L2HGDH: variants seen among roughly 807,000 people sequenced by gnomAD.
The protein encoded by L2HGDH is L-2-hydroxyglutarate dehydrogenase.
Under a neutral mutation model 51.5 loss-of-function variants are expected in L2HGDH, and 34 were observed. That is an observed-to-expected ratio of 0.66 (90% confidence interval 0.50 to 0.88). L2HGDH has a LOEUF of 0.88. Among genes scored for constraint, L2HGDH ranks in the 40% least tolerant of loss-of-function variants. The pLI is 0.00. For synonymous variants in L2HGDH, 198 were observed against 197.9 expected (o/e 1.00, Z -0.01); for missense variants, 558 against 571.9 (o/e 0.98, Z 0.25).
chr14:50,267,559 T>TG lies in L2HGDH; in HGVS notation c.1064+193_1064+194insC, dbSNP rs1468229754. Reference sequence around the variant, plus strand: ...TGTTATACTTATTCCAAAAGGCATTTTTTTTTTTGTTTGTTTGTTTGTTTG... The same window carrying TG: ...TGTTATACTTATTCCAAAAGGCATTTGTTTTTTTTGTTTGTTTGTTTGTTTG... On this transcript the variant is annotated intron_variant, in intron 8 of 9. Transcript: ENST00000267436. Among the ~76,000 whole-genome samples the TG allele has an allele frequency of 3.2e-3, 461 of 145,782 alleles. 1 individual carries two copies. The highest frequency in any genetic ancestry group is 4.8e-3 in the Non-Finnish European group (317 of 66,382).
At chr14:50,285,737 A>G (rs941595994) in intron 4 of L2HGDH, among the ~76,000 whole-genome samples, 1 of 152,192 alleles carries the variant, frequency 6.6e-6, no homozygotes, top group African/African-American at 2.4e-5. Flanking sequence ...ACCCAGCACA[A>G]CGTCTGACAC....
At chr14:50,270,859 A>G (rs1392677856) in intron 6 of L2HGDH, among the ~76,000 whole-genome samples, 1 of 152,076 alleles carries the variant, frequency 6.6e-6, no homozygotes, top group Non-Finnish European at 1.5e-5. Flanking sequence ...CTCTATATGT[A>G]TCCTATTTTT....
At chr14:50,259,684 A>T (rs1888898663) in intron 9 of L2HGDH, among the ~76,000 whole-genome samples, 1 of 151,710 alleles carries the variant, frequency 6.6e-6, no homozygotes, top group South Asian at 2.1e-4. Context: ...GGAAAAAAAA[A>T]TCAGCCAGCC....
At position 50,294,259 on chromosome 14, in the gene L2HGDH, A is replaced by C. The variant is rs367642018; in HGVS notation, c.409-13T>G. ...CAGCTACTATAAGCTTCAAAAAAAA[A>C]AAGGTAAGGAGCATGGATAGAGGTG... On this transcript the variant is annotated splice_polypyrimidine_tract_variant and intron_variant, in intron 3 of 9. Transcript: ENST00000267436. The C allele has an allele frequency of 6.2e-7, 1 of 1,610,754 alleles. No homozygotes were observed. Among genetic ancestry groups the C allele is most frequent in the Non-Finnish European group, 8.5e-7 (1 of 1,179,406 alleles).
chr14:50,255,135 A>C (rs931075463), intron 9 of L2HGDH, among the ~76,000 whole-genome samples: 5 of 152,192 alleles, frequency 3.3e-5, no homozygotes, highest in African/African-American at 1.2e-4. Flanking sequence ...TAAAGTACCA[A>C]ATTTTTCATT....
intron 4 of L2HGDH, among the ~76,000 whole-genome samples, chr14:50,290,420 A>C (rs1236574836): frequency 6.6e-6 from 1 of 152,204 alleles, no homozygotes; most frequent in Non-Finnish European, 1.5e-5. Flanking sequence ...TAAATTTCCT[A>C]AATTAGTACC....
chr14:50,252,553 A>G (rs540177324), intron 9 of L2HGDH, among the ~76,000 whole-genome samples: 89 of 152,118 alleles, frequency 5.9e-4, no homozygotes, highest in Non-Finnish European at 1.2e-3. Flanking sequence ...CTATAAAGAT[A>G]CAAAGAGACT....
At chr14:50,282,477 T>C in intron 5 of L2HGDH, 1 of 456,058 alleles carries the variant, frequency 2.2e-6, no homozygotes, top group East Asian at 7.0e-5. Flanking sequence ...ACATCTTTGT[T>C]AATCTGAAAT....
intron 8 of L2HGDH, among the ~76,000 whole-genome samples, chr14:50,266,716 G>A (rs949766611): frequency 2.0e-5 from 3 of 152,148 alleles, no homozygotes; most frequent in Admixed American, 2.0e-4. Context: ...ACATGTGCCA[G>A]GAAGCTCCAT....
chr14:50,309,986 T>A (rs976006318), intron 1 of L2HGDH, among the ~76,000 whole-genome samples: 1 of 151,166 alleles, frequency 6.6e-6, no homozygotes, highest in African/African-American at 2.4e-5. Context: ...TGAGCCAGCA[T>A]GCCTGGCCAC....
chr14:50,243,663 TTA>T lies in L2HGDH; in HGVS notation c.*3393_*3394del, dbSNP rs35064677. On this transcript the variant is annotated 3_prime_UTR_variant, in exon 10 of 10. Coordinates refer to ENST00000267436, the MANE Select transcript of L2HGDH (RefSeq NM_024884.3). ...TTTCATTTTTATTTTTCAGGGTATT[TTA>T]TATATATATATATATATATATTGTT... 8,768 of 175,736 alleles carry T rather than the reference TTA, an allele frequency of 0.05. 179 individuals carry two copies. Among genetic ancestry groups the T allele is most frequent in the African/African-American group, 0.069 (1,860 of 27,054 alleles). 10.9% of individuals were successfully genotyped at this position (175,736 alleles called of 1,614,324 possible). A position where few individuals can be genotyped will look rare whatever the true frequency, so the allele number is the denominator to read the frequency against.
chr14:50,282,817 G>A (rs1480444608), intron 5 of L2HGDH, among the ~76,000 whole-genome samples: 2 of 152,038 alleles, frequency 1.3e-5, no homozygotes, highest in African/African-American at 2.4e-5. Context: ...CAAGTGGGCA[G>A]ATCACTTGAG....
rs72683923 is a variant in L2HGDH at position 50,269,229 on chromosome 14, T to C, written c.840A>G (p.Pro280=). ...SGCTPDPRIV[P]FRGDYLLLKP... ...TCAAAAGCAGGTAATCTCCCCGGAA[T>C]GGTACAATTCGAGGATCAGGAGTGC... Residue 280 remains proline (P), a synonymous_variant, in exon 7 of 10, where the codon CCA becomes CCG. Transcript: ENST00000267436. 24,230 of 1,613,976 alleles carry C rather than the reference T, an allele frequency of 0.015. 227 individuals carry two copies. Among genetic ancestry groups the C allele is most frequent in the Non-Finnish European group, 0.018 (21,568 of 1,179,922 alleles).
rs567756108 is a variant in L2HGDH at position 50,294,608 on chromosome 14, TC to T, written c.409-363del. Among the ~76,000 whole-genome samples, 590 of 151,930 alleles carry T rather than the reference TC, an allele frequency of 3.9e-3. 5 individuals carry two copies. Among genetic ancestry groups the T allele is most frequent in the African/African-American group, 0.013 (547 of 41,402 alleles). On this transcript the variant is annotated intron_variant, in intron 3 of 9. Coordinates refer to ENST00000267436, the MANE Select transcript of L2HGDH (RefSeq NM_024884.3). ...TAAGTTGCTTGGACTTTACTTTTTTTCCCCCCCAAAACAGAATGGCCTTCTT... is the reference window on the plus strand; with the variant it reads ...TAAGTTGCTTGGACTTTACTTTTTTTCCCCCCAAAACAGAATGGCCTTCTT...
At chr14:50,283,639 T>G (rs1890398410) in intron 5 of L2HGDH, among the ~76,000 whole-genome samples, 1 of 152,216 alleles carries the variant, frequency 6.6e-6, no homozygotes. Context: ...CCTATGCACA[T>G]ACGCTGGATA....
At position 50,249,776 on chromosome 14, in the gene L2HGDH, G is replaced by C. The variant is rs543758394; in HGVS notation, c.1197-2523C>G. Among the ~76,000 whole-genome samples the C allele has an allele frequency of 2.7e-5, 4 of 150,112 alleles. No homozygotes were observed. The East Asian group carries it at 8.1e-4, about 30-fold the overall frequency. On this transcript the variant is annotated intron_variant, in intron 9 of 9. Transcript: ENST00000267436. ...ACTCCTTCTGTTTGAGAAAAGCAGAGATAAAAGTAAAGGGGACTTTGTCTT... is the reference window on the plus strand; with the variant it reads ...ACTCCTTCTGTTTGAGAAAAGCAGACATAAAAGTAAAGGGGACTTTGTCTT...
chr14:50,284,616 T>C (rs1339397510), intron 4 of L2HGDH, among the ~76,000 whole-genome samples: 1 of 152,250 alleles, frequency 6.6e-6, no homozygotes, highest in Non-Finnish European at 1.5e-5. Context: ...CATTGGCCGT[T>C]TCTAATTCTA....
At chr14:50,258,520 G>C (rs1888808382) in intron 9 of L2HGDH, among the ~76,000 whole-genome samples, 1 of 147,188 alleles carries the variant, frequency 6.8e-6, no homozygotes, top group Non-Finnish European at 1.5e-5. Flanking sequence ...ACCACGCCCA[G>C]TCTTATTTTT....
chr14:50,248,157 T>C (rs1888118538), intron 9 of L2HGDH, among the ~76,000 whole-genome samples: 1 of 152,180 alleles, frequency 6.6e-6, no homozygotes, highest in African/African-American at 2.4e-5. Flanking sequence ...CAGATTTTTG[T>C]TGTTTTTTTA....
Sources: allele counts gnomAD v4.1 joint callset (sites outside exome capture counted in the v4.1 genomes callset), GRCh38; gene constraint gnomAD v4.1.1; transcripts MANE v1.5; gene names NCBI Gene and HGNC (gene_info 2026-07-23, HGNC 2026-07-21).